Variants in PTPRT observed in about 807,000 individuals in gnomAD.
PTPRT encodes the protein receptor-type tyrosine-protein phosphatase T.
In PTPRT, 56 loss-of-function variants were observed where a neutral mutation model predicts 176.8. The ratio of observed to expected loss-of-function variants is 0.32; its 90% CI spans 0.26 to 0.40. The LOEUF (loss-of-function observed/expected upper bound fraction) is 0.40. Ranked by LOEUF, PTPRT falls within the 10% of genes least tolerant of loss-of-function variation. The pLI is 1.00. For synonymous variants in PTPRT, 783 were observed against 739.0 expected, an observed-to-expected ratio of 1.06 and a Z score of -0.96; for missense variants, 1,540 against 1,908.2, an observed-to-expected ratio of 0.81 and a Z score of 3.60.
At chr20:42,434,436 C>G (rs2059243241) in intron 9 of PTPRT, among the ~76,000 whole-genome samples, 1 of 152,108 alleles carries the variant, frequency 6.6e-6, no homozygotes, top group African/African-American at 2.4e-5. Flanking sequence ...CAAGTTTATA[C>G]TTTAGCAAAT....
At chr20:42,659,251 G>A (rs1030164205) in intron 7 of PTPRT, among the ~76,000 whole-genome samples, 3 of 152,122 alleles carry the variant, frequency 2.0e-5, no homozygotes, top group African/African-American at 4.8e-5. Flanking sequence ...TCATATGACA[G>A]CTTTAATAGC....
At position 42,416,189 on chromosome 20, in the gene PTPRT, AGAG is replaced by A. The variant is rs113227437; in HGVS notation, c.1560+32028_1560+32030del. 2.7e-3 allele frequency among the ~76,000 whole-genome samples: 416 copies of A among 152,342 alleles called. 1 individual carries two copies. The highest frequency in any genetic ancestry group is 9.3e-3 in the African/African-American group (386 of 41,588). The stretch of plus-strand genomic sequence containing the variant: ...TAAATGGAGAAGAGGAAAGACACAC[AGAG>A]GAGAAGGCCATGTGAAGACTGAGGC... On this transcript the variant is annotated intron_variant, in intron 9 of 30. Coordinates refer to ENST00000373187, the MANE Select transcript of PTPRT (RefSeq NM_007050.6).
At chr20:42,423,108 C>T (rs530919560) in intron 9 of PTPRT, among the ~76,000 whole-genome samples, 5 of 141,558 alleles carry the variant, frequency 3.5e-5, no homozygotes, top group African/African-American at 1.3e-4. Flanking sequence ...AGGCTGAATA[C>T]CTGGGGGATG....
At chr20:43,006,774 C>T (rs969267186) in intron 1 of PTPRT, among the ~76,000 whole-genome samples, 3 of 152,190 alleles carry the variant, frequency 2.0e-5, no homozygotes, top group African/African-American at 7.2e-5. Context: ...TCAGCAGTGC[C>T]CCTCACCAGA....
chr20:42,392,507 A>G (rs904467895), intron 9 of PTPRT, among the ~76,000 whole-genome samples: 3 of 152,104 alleles, frequency 2.0e-5, no homozygotes, highest in African/African-American at 7.2e-5. Flanking sequence ...AATAACTGCC[A>G]TTTTGCAATG....
chr20:42,919,163 G>A (rs549959227), intron 1 of PTPRT, among the ~76,000 whole-genome samples: 2 of 152,182 alleles, frequency 1.3e-5, no homozygotes, highest in Non-Finnish European at 2.9e-5. Context: ...CCTCCAGCCT[G>A]GGGATCCCCC....
chr20:42,182,290 T>C (rs1990557256), intron 16 of PTPRT, among the ~76,000 whole-genome samples: 1 of 152,178 alleles, frequency 6.6e-6, no homozygotes, highest in Non-Finnish European at 1.5e-5. Flanking sequence ...TTTTTAAAAT[T>C]GAAGAACACG....
chr20:42,944,358 C>A (rs890557945), intron 1 of PTPRT, among the ~76,000 whole-genome samples: 4 of 152,206 alleles, frequency 2.6e-5, no homozygotes, highest in Non-Finnish European at 2.9e-5. Flanking sequence ...TCACGAAGCT[C>A]TCCAAACCGT....
In PTPRT at chr20:42,201,501, T is replaced by C. The variant is rs149828264; in HGVS notation, c.2343-2113A>G. Among the ~76,000 whole-genome samples the C allele has an allele frequency of 4.3e-4, 66 of 152,152 alleles. No homozygotes were observed. The East Asian group carries it at 0.012, about 27-fold the overall frequency. On this transcript the variant is annotated intron_variant, in intron 15 of 30. Coordinates refer to ENST00000373187, the MANE Select transcript of PTPRT (RefSeq NM_007050.6). ...GGACAATTTGAGGAAGGTTTATTTA[T>C]AAAAGGTCTGCTGATAAAGGTGACA...
At chr20:42,578,069 A>G (rs2073296368) in intron 7 of PTPRT, among the ~76,000 whole-genome samples, 1 of 151,950 alleles carries the variant, frequency 6.6e-6, no homozygotes, top group Non-Finnish European at 1.5e-5. Flanking sequence ...CACTCATGCA[A>G]CCTTAATGCC....
intron 16 of PTPRT, among the ~76,000 whole-genome samples, chr20:42,192,351 AT>A (rs1991036111): frequency 6.6e-6 from 1 of 152,158 alleles, no homozygotes; most frequent in Non-Finnish European, 1.5e-5. Flanking sequence ...CGTCTTCCCT[AT>A]TTGAATTGCT....
chr20:42,427,383 C>T (rs151059612), intron 9 of PTPRT, among the ~76,000 whole-genome samples: 74 of 152,340 alleles, frequency 4.9e-4, no homozygotes, highest in African/African-American at 1.8e-3. Context: ...GCTGCTATAA[C>T]AAATTACCAC....
intron 7 of PTPRT, among the ~76,000 whole-genome samples, chr20:42,596,346 T>A (rs1473365450): frequency 1.3e-5 from 2 of 152,222 alleles, no homozygotes; most frequent in African/African-American, 4.8e-5. Flanking sequence ...ATCTTTGCAG[T>A]TCCTAACGTA....
chr20:42,887,938 C>T (rs1568661708), intron 1 of PTPRT, among the ~76,000 whole-genome samples: 1 of 152,142 alleles, frequency 6.6e-6, no homozygotes, highest in Non-Finnish European at 1.5e-5. Context: ...ATAAAAGATG[C>T]CCTAGGCAAA....
intron 7 of PTPRT, among the ~76,000 whole-genome samples, chr20:42,611,899 C>G (rs2073981908): frequency 1.3e-5 from 2 of 152,162 alleles, no homozygotes; most frequent in Non-Finnish European, 2.9e-5. Context: ...AGGCTCTTGC[C>G]TGGTCCATCA....
chr20:42,776,987 C>A (rs2077146756), intron 4 of PTPRT, among the ~76,000 whole-genome samples: 1 of 152,012 alleles, frequency 6.6e-6, no homozygotes, highest in Admixed American at 6.6e-5. Flanking sequence ...TCCCACAAAC[C>A]CAGAATGGTG....
rs1203134930 is a variant in PTPRT, at chr20:42,463,199, TA to T, written c.1450+9066del. On this transcript the variant is annotated intron_variant, in intron 8 of 30. Transcript: ENST00000373187. ...CTAGGTCTCTCTCTCTCTCTCATTG[TA>T]AAAAGACTTCTCGGCAAAAAATTCC... is the stretch of plus-strand genomic sequence containing the variant. Among the ~76,000 whole-genome samples the T allele has an allele frequency of 2.6e-5, 4 of 152,288 alleles. No individual in the cohort carries two copies. The East Asian group carries it at 7.7e-4, about 29-fold the overall frequency.
intron 21 of PTPRT, chr20:42,116,243 T>TAA: frequency 1.6e-6 from 1 of 609,146 alleles, no homozygotes. Flanking sequence ...ATGCTAGTGC[T>TAA]AATGTGTTTT....
At position 42,079,821 on chromosome 20, in the gene PTPRT, C is replaced by A. The variant is rs1353990138; in HGVS notation, c.*1058G>T. On this transcript the variant is annotated 3_prime_UTR_variant, in exon 31 of 31. Transcript: ENST00000373187. ...CTTCAGGCTCACCCATCTCTCCTTGCTCAGTGGCATGCTGTCCCAGGGTGG... is the reference window on the plus strand; with the variant it reads ...CTTCAGGCTCACCCATCTCTCCTTGATCAGTGGCATGCTGTCCCAGGGTGG... 3.0e-5 allele frequency: 7 copies of A among 230,406 alleles called. No individual in the cohort carries two copies. Among genetic ancestry groups the A allele is most frequent in the Non-Finnish European group, 5.2e-5 (6 of 116,326 alleles). The allele number at this position is 230,406 out of a possible 1,614,324, so 14.3% of individuals were successfully genotyped here.
Sources: gnomAD v4.1 joint callset for allele counts (sites outside exome capture counted in the v4.1 genomes callset) on GRCh38, gnomAD v4.1.1 for gene constraint, MANE v1.5 for transcripts, NCBI Gene and HGNC (gene_info 2026-07-23, HGNC 2026-07-21) for gene names.